The following PLCG2 variants were observed in gnomAD, a reference collection of about 807,000 sequenced individuals.
PLCG2 encodes the protein phospholipase C gamma 2.
PLCG2 carries 69 observed loss-of-function variants against 175.6 expected under a neutral mutation model. The ratio of observed to expected loss-of-function variants is 0.39; its 90% CI spans 0.32 to 0.48. The LOEUF (loss-of-function observed/expected upper bound fraction) is 0.48. Ranked by LOEUF, PLCG2 falls within the 20% of genes least tolerant of loss-of-function variation. The pLI, the probability that PLCG2 is intolerant of heterozygous loss-of-function variation, is 0.91. For synonymous variants in PLCG2, 827 were observed against 624.0 expected, an observed-to-expected ratio of 1.33 and a Z score of -4.85; for missense variants, 1,798 against 1,650.9, an observed-to-expected ratio of 1.09 and a Z score of -1.54.
intron 2 of PLCG2, among the ~76,000 whole-genome samples, chr16:81,791,653 C>A (rs1450151032): frequency 6.6e-6 from 1 of 152,158 alleles, no homozygotes; most frequent in Non-Finnish European, 1.5e-5. Flanking sequence ...CAACCTTTGC[C>A]TCCTGGGTTC....
chr16:81,955,273 C>G (rs887386914), intron 31 of PLCG2, among the ~76,000 whole-genome samples: 2 of 152,210 alleles, frequency 1.3e-5, no homozygotes, highest in African/African-American at 2.4e-5. Context: ...AGAGTATGGT[C>G]TGAGTCCGTG....
chr16:81,760,676 C>T lies in PLCG2; in HGVS notation c.-48+4710C>T, dbSNP rs112147799. On this transcript the variant is annotated intron_variant, in intron 2 of 5. Coordinates refer to the PLCG2 transcript ENST00000565054. ...CTATAATCCCAACCCTTTGGGAGGTCAAGGTGGGAGGATCACTTGAGGGCA... is the reference window on the plus strand; with the variant it reads ...CTATAATCCCAACCCTTTGGGAGGTTAAGGTGGGAGGATCACTTGAGGGCA... 6.2e-3 allele frequency among the ~76,000 whole-genome samples: 921 copies of T among 149,644 alleles called. 6 individuals are homozygous for T. Among genetic ancestry groups the T allele is most frequent in the Middle Eastern group, 0.014 (4 of 292 alleles).
chr16:81,892,375 C>G (rs1365881274), intron 11 of PLCG2, among the ~76,000 whole-genome samples: 1 of 152,156 alleles, frequency 6.6e-6, no homozygotes, highest in African/African-American at 2.4e-5. Flanking sequence ...CGCTGATGTT[C>G]CAGTATTTAG....
chr16:81,764,970 T>C (rs561815913), intron 2 of PLCG2, among the ~76,000 whole-genome samples: 1 of 135,064 alleles, frequency 7.4e-6, no homozygotes, highest in East Asian at 2.1e-4. Flanking sequence ...GCACCTGTGG[T>C]CCCAGCTACT....
At chr16:81,880,517 A>G (rs1908027169) in intron 7 of PLCG2, among the ~76,000 whole-genome samples, 1 of 152,224 alleles carries the variant, frequency 6.6e-6, no homozygotes. Context: ...TGGTTTTTCA[A>G]AGAAAGGAAA....
chr16:81,797,093 G>C (rs1457078567), intron 2 of PLCG2, among the ~76,000 whole-genome samples: 2 of 152,212 alleles, frequency 1.3e-5, no homozygotes, highest in Non-Finnish European at 2.9e-5. Context: ...GGCCCTGAGG[G>C]TGTAAGAGGG....
chr16:81,947,733 C>T (rs1019214992), intron 31 of PLCG2, among the ~76,000 whole-genome samples: 4 of 152,160 alleles, frequency 2.6e-5, no homozygotes, highest in East Asian at 1.9e-4. Flanking sequence ...TTTATCAAGT[C>T]GCAGTCCTTT....
intron 22 of PLCG2, 26 bp from the exon 23 acceptor site, chr16:81,927,055 GC>G: frequency 6.8e-7 from 1 of 1,481,236 alleles, no homozygotes; most frequent in Non-Finnish European, 9.4e-7. Flanking sequence ...TGGTGACAGC[GC>G]CCCCATGTCC....
chr16:81,802,445 T>A (rs1234600075), intron 2 of PLCG2, among the ~76,000 whole-genome samples: 1 of 151,596 alleles, frequency 6.6e-6, no homozygotes, highest in Non-Finnish European at 1.5e-5. Flanking sequence ...TGTCTGTACT[T>A]CCAGCTTTTG....
chr16:81,907,822 G>T, intron 16 of PLCG2, 48 bp downstream of exon 16: 1 of 1,424,552 alleles, frequency 7.0e-7, no homozygotes. Context: ...CAGGAACCCC[G>T]AGGACCAGCC....
intron 1 of PLCG2, among the ~76,000 whole-genome samples, chr16:81,782,675 C>T (rs956933727): frequency 6.6e-6 from 1 of 152,200 alleles, no homozygotes; most frequent in Admixed American, 6.5e-5. Context: ...GAACCCCAAA[C>T]CAGAAATCAA....
rs1481325248 is a variant in PLCG2 at position 81,937,846 on chromosome 16, A to G, written c.3141A>G (p.Lys1047=). The part of the protein sequence containing the change: ...VLQPESMRTE[K]YDPMPPESQR... ...AGCCTGAGAGCATGAGGACAGAGAA[A>G]TATGACCCGATGCCACCCGAGTCCC... The change falls in exon 28 of 33, where the codon AAA becomes AAG. Residue 1047 remains lysine, a synonymous_variant. Transcript: ENST00000564138. The G allele has an allele frequency of 5.0e-6, 8 of 1,614,146 alleles. No homozygotes were observed. The highest frequency in any genetic ancestry group is 6.8e-6 in the Non-Finnish European group (8 of 1,179,988).
chr16:81,925,278 T>C (rs1222355259), intron 22 of PLCG2, among the ~76,000 whole-genome samples: 1 of 152,136 alleles, frequency 6.6e-6, no homozygotes, highest in African/African-American at 2.4e-5. Context: ...AAACCGGCTT[T>C]TTTGCATACT....
intron 5 of PLCG2, among the ~76,000 whole-genome samples, chr16:81,868,904 A>G (rs985797155): frequency 8.6e-5 from 13 of 152,000 alleles, no homozygotes; most frequent in African/African-American, 3.1e-4. Context: ...ACTGTACGCT[A>G]TAAATCTCTT....
chr16:81,753,526 C>G lies in PLCG2; in HGVS notation c.-144-2344C>G, dbSNP rs1001509166. ...CTCCACCTCCCAGGTTCAAGCGATTCTCCTGTATCAGCCTCATTAGTAGCT... is the reference window on the plus strand; with the variant it reads ...CTCCACCTCCCAGGTTCAAGCGATTGTCCTGTATCAGCCTCATTAGTAGCT... On this transcript the variant is annotated intron_variant, in intron 1 of 5. Transcript: ENST00000565054. Among the ~76,000 whole-genome samples, 14 of 151,552 alleles carry G rather than the reference C, an allele frequency of 9.2e-5. No individual in the cohort carries two copies. The East Asian group carries it at 2.7e-3, about 29-fold the overall frequency.
intron 22 of PLCG2, among the ~76,000 whole-genome samples, chr16:81,925,771 C>T (rs1204882752): frequency 6.6e-6 from 1 of 152,130 alleles, no homozygotes; most frequent in Non-Finnish European, 1.5e-5. Context: ...GCCATAATCC[C>T]AGCTACTGGC....
intron 2 of PLCG2, among the ~76,000 whole-genome samples, chr16:81,796,888 A>G (rs1911492166): frequency 6.6e-6 from 1 of 152,170 alleles, no homozygotes. Context: ...TTGGTATTTC[A>G]TGAGTGGCAG....
chr16:81,857,466 A>C (rs1424335757), intron 3 of PLCG2, among the ~76,000 whole-genome samples: 1 of 152,166 alleles, frequency 6.6e-6, no homozygotes, highest in Non-Finnish European at 1.5e-5. Context: ...TTTAAACATC[A>C]GGCATTTATT....
chr16:81,877,317 A>C (rs564444048), intron 7 of PLCG2, among the ~76,000 whole-genome samples: 2 of 152,194 alleles, frequency 1.3e-5, no homozygotes, highest in African/African-American at 2.4e-5. Context: ...TTAGCTGGGC[A>C]TAGTGGCGGG....
Sources: gnomAD v4.1 joint callset for allele counts (sites outside exome capture counted in the v4.1 genomes callset) on GRCh38, gnomAD v4.1.1 for gene constraint, MANE v1.5 for transcripts, NCBI Gene and HGNC (gene_info 2026-07-23, HGNC 2026-07-21) for gene names.